The following OPLAH variants were observed in gnomAD, a reference collection of about 807,000 sequenced individuals.
OPLAH encodes the protein 5-oxoprolinase, ATP-hydrolysing, also known as 5-oxoprolinase.
In OPLAH, 103 loss-of-function variants were observed where a neutral mutation model predicts 122.8. The ratio of observed to expected loss-of-function variants is 0.84; its 90% CI spans 0.71 to 0.99. The LOEUF is 0.99. Among genes scored for constraint, OPLAH ranks in the 50% least tolerant of loss-of-function variants. The pLI is 0.00. For synonymous variants in OPLAH, 875 were observed against 796.0 expected, an observed-to-expected ratio of 1.10 and a Z score of -1.67; for missense variants, 1,902 against 1,836.5, an observed-to-expected ratio of 1.04 and a Z score of -0.65.
chr8:144,058,553 C>A lies in OPLAH; in HGVS notation c.726G>T (p.Thr242=), dbSNP rs374180396. ...CCTGCACGTAGCGCTGGATGGCGGG[C>A]GTGAGGTAGGCGTCGGCACAGGCCG... The part of the protein sequence containing the change: ...GHTACADAYL[T]PAIQRYVQGF... The change falls in exon 6 of 27, where the codon ACG becomes ACT. Residue 242 remains threonine (T), a synonymous_variant. Transcript: ENST00000618853. 1.3e-6 allele frequency: 2 copies of A among 1,599,996 alleles called. No homozygotes were observed. The highest frequency in any genetic ancestry group is 3.3e-5 in the Admixed American group (2 of 59,746).
chr8:144,059,837 G>A (rs782641762), intron 2 of OPLAH, 25 bp downstream of exon 2: 1 of 1,611,846 alleles, frequency 6.2e-7, no homozygotes, highest in African/African-American at 1.3e-5. Flanking sequence ...TGGGGTCCCT[G>A]TCCACCCGCT....
At position 144,051,492 on chromosome 8, in the gene OPLAH, C is replaced by CGGGGGG; in HGVS notation, c.3721-21_3721-20insCCCCCC. The CGGGGGG allele has an allele frequency of 4.8e-6, 2 of 413,252 alleles. No individual in the cohort carries two copies. The highest frequency in any genetic ancestry group is 5.8e-5 in the Admixed American group (1 of 17,298). The allele number at this position is 413,252 out of a possible 1,614,324, so 25.6% of individuals were successfully genotyped here. ...CACATCCTGTTGGCGCGGGGGGGGG[C>CGGGGGG]GGGGAGGCGGGCTCAGTGCAGGCGT... On this transcript the variant is annotated intron_variant, in intron 26 of 26. Transcript: ENST00000618853.
chr8:144,054,803 A>T lies in OPLAH; in HGVS notation c.2511+9T>A, dbSNP rs1449775144. ...GCCCCAGCAGAGGCAGGCGGGCAGC[A>T]CCCCTCACCGGTGTGATAACAGTCA... On this transcript the variant is annotated intron_variant, in intron 18 of 26. Coordinates refer to ENST00000618853, the MANE Select transcript of OPLAH (RefSeq NM_017570.5). 1 of 1,611,872 alleles carries T rather than the reference A, an allele frequency of 6.2e-7. No homozygotes were observed. The highest frequency in any genetic ancestry group is 2.2e-5 in the East Asian group (1 of 44,890).
upstream of OPLAH, among the ~76,000 whole-genome samples, chr8:144,062,883 C>T (rs752257954): frequency 2.4e-4 from 37 of 152,058 alleles, no homozygotes; most frequent in Non-Finnish European, 4.7e-4. Flanking sequence ...TCCAGGTGTC[C>T]ACCTCCCCCA....
rs782345887 is a variant in OPLAH at position 144,051,998 on chromosome 8, G to A, written c.3540C>T (p.Val1180=). The part of the protein sequence containing the change: ...GRGRFRGGDG[V]TRELLFREEA... ...CCTCACGAAAGAGCAGCTCGCGGGT[G>A]ACGCCGTCGCCGCCTCGGAAGCGGC... The change falls in exon 25 of 27, where the codon GTC becomes GTT. Residue 1180 remains valine (V), a synonymous_variant. Transcript: ENST00000618853. 1.3e-6 allele frequency: 2 copies of A among 1,585,704 alleles called. No homozygotes were observed. The highest frequency in any genetic ancestry group is 1.7e-6 in the Non-Finnish European group (2 of 1,174,484).
chr8:144,060,317 G>A (rs1168377840), intron 1 of OPLAH, among the ~76,000 whole-genome samples: 1 of 152,266 alleles, frequency 6.6e-6, no homozygotes, highest in Non-Finnish European at 1.5e-5. Flanking sequence ...CCTGGACTGG[G>A]CCGAAACCCA....
In OPLAH at chr8:144,059,950, C is replaced by T. The variant is rs782080883; in HGVS notation, c.83G>A (p.Gly28Glu). Residue 28 changes from glycine (G) to glutamate (E), a missense_variant, in exon 2 of 27, where the codon GGG (glycine) becomes GAG (glutamate). Gly to Glu is a moderately conservative substitution (Grantham distance 98). Coordinates refer to ENST00000618853, the MANE Select transcript of OPLAH (RefSeq NM_017570.5). ...FTDVFAQCPG[G>E]HVRVLKLLSE... Reference sequence around the variant, plus strand: ...GAGCAGTTTTAAGACCCGCACGTGCCCCCCTGGGCACTGGGCAAAGACGTC... The same window carrying T: ...GAGCAGTTTTAAGACCCGCACGTGCTCCCCTGGGCACTGGGCAAAGACGTC... The T allele has an allele frequency of 1.2e-6, 2 of 1,612,674 alleles. No homozygotes were observed. Among genetic ancestry groups the T allele is most frequent in the Non-Finnish European group, 1.7e-6 (2 of 1,179,852 alleles).
Position 144,052,083 on chromosome 8 carries a change from G to A in OPLAH, c.3462-7C>T, listed in dbSNP as rs1835393168. ...GCGCAGGATGACCGGGTACCTGCGA[G>A]GGCGAGGACGAGGGCAAAGACTCAG... is the stretch of plus-strand genomic sequence containing the variant. On this transcript the variant is annotated splice_polypyrimidine_tract_variant and splice_region_variant and intron_variant, in intron 24 of 26. Coordinates refer to ENST00000618853, the MANE Select transcript of OPLAH (RefSeq NM_017570.5). 2 of 1,577,736 alleles carry A rather than the reference G, an allele frequency of 1.3e-6. No homozygotes were observed. The highest frequency in any genetic ancestry group is 1.4e-5 in the African/African-American group (1 of 73,406).
At position 144,054,650 on chromosome 8, in the gene OPLAH, G is replaced by C; in HGVS notation, c.2597C>G (p.Ser866Cys). The C allele has an allele frequency of 6.2e-7, 1 of 1,612,260 alleles. No individual in the cohort carries two copies. Among genetic ancestry groups the C allele is most frequent in the Non-Finnish European group, 8.5e-7 (1 of 1,179,506 alleles). ...HADIGGITPG[S>C]MPPHSTMLQQ... ...CAGCATGGTGGAGTGGGGGGGCATG[G>C]AGCCTGGTGTGATGCCCCCGATGTC... is the stretch of plus-strand genomic sequence containing the variant. The change falls in exon 19 of 27, where the codon TCC becomes TGC. Residue 866 changes from serine to cysteine, a missense_variant. Around this residue, in one of 3 missense-constraint regions of OPLAH, gnomAD observed 1,726 missense variants for 1,642.1 expected, o/e 1.05. Coordinates refer to ENST00000618853, the MANE Select transcript of OPLAH (RefSeq NM_017570.5).
upstream of OPLAH, chr8:144,063,908 G>T (rs1835702665): frequency 6.6e-6 from 1 of 152,450 alleles, no homozygotes; most frequent in African/African-American, 2.4e-5. The surrounding 1 kb of genome is among the most constrained non-coding windows in gnomAD (Gnocchi z 4.2). Flanking sequence ...CCTGCCGCAG[G>T]CCCTCATAGC....
In OPLAH at chr8:144,057,217, T is replaced by G. The variant is rs782471377; in HGVS notation, c.1526A>C (p.His509Pro). 40 of 1,611,564 alleles carry G rather than the reference T, an allele frequency of 2.5e-5. No individual in the cohort carries two copies. In the East Asian group the frequency reaches 8.9e-4, roughly 36 times the overall value. Residue 509 changes from histidine (H) to proline (P), a missense_variant, in exon 11 of 27, where the codon CAC becomes CCC. Transcript: ENST00000618853. Reference sequence around the variant, plus strand: ...CCACACCCAGGCCCACCTGTGGATGTGCACCGTGTCCATGCCCAGGGCCCG... The same window carrying G: ...CCACACCCAGGCCCACCTGTGGATGGGCACCGTGTCCATGCCCAGGGCCCG... ...IARALGMDTV[H>P]IHRHSGLLSA...
rs782699531 is a variant in OPLAH, at chr8:144,051,483, G to A, written c.3721-11C>T. The A allele has an allele frequency of 2.3e-6, 3 of 1,329,820 alleles. No individual in the cohort carries two copies. The highest frequency in any genetic ancestry group is 1.7e-5 in the African/African-American group (1 of 57,390). The allele number at this position is 1,329,820 out of a possible 1,614,324, so 82.4% of individuals were successfully genotyped here. A position where few individuals can be genotyped will look rare whatever the true frequency, so the allele number is the denominator to read the frequency against. ...GAGACAGAACACATCCTGTTGGCGCGGGGGGGGGCGGGGAGGCGGGCTCAG... is the reference window on the plus strand; with the variant it reads ...GAGACAGAACACATCCTGTTGGCGCAGGGGGGGGCGGGGAGGCGGGCTCAG... On this transcript the variant is annotated splice_polypyrimidine_tract_variant and intron_variant, in intron 26 of 26. Coordinates refer to ENST00000618853, the MANE Select transcript of OPLAH (RefSeq NM_017570.5).
At position 144,055,614 on chromosome 8, in the gene OPLAH, C is replaced by T. The variant is rs576759046; in HGVS notation, c.2248+174G>A. 4.7e-4 allele frequency among the ~76,000 whole-genome samples: 72 copies of T among 152,274 alleles called. 1 individual carries two copies. The highest frequency in any genetic ancestry group is 1.7e-3 in the African/African-American group (70 of 41,554). ...CAGGTAAGGGGGGAAGGTGTCCTCC[C>T]TGCCCAAGGTTTGTTCTCATGGCCA... On this transcript the variant is annotated intron_variant, in intron 16 of 26. Coordinates refer to ENST00000618853, the MANE Select transcript of OPLAH (RefSeq NM_017570.5). This position sits in a 1 kb window ranked among gnomAD's most constrained non-coding sequence, Gnocchi z 6.5.
chr8:144,058,047 T>G lies in OPLAH; in HGVS notation c.1051A>C (p.Thr351Pro). The change falls in exon 8 of 27, where the codon ACC (threonine) becomes CCC (proline). Residue 351 changes from threonine (T) to proline (P), a missense_variant. Physicochemically the swap from Thr to Pro is conservative, Grantham distance 38 (BLOSUM62 -1). Coordinates refer to ENST00000618853, the MANE Select transcript of OPLAH (RefSeq NM_017570.5). ...CGGGAACCCCCTCCCGCTGCCACGG[T>G]GTTGATGTCCAGCTGCGGGGCCTGG... ...TLQAPQLDIN[T>P]VAAGGGSRLF... The G allele has an allele frequency of 6.2e-7, 1 of 1,612,284 alleles. No homozygotes were observed. Among genetic ancestry groups the G allele is most frequent in the Non-Finnish European group, 8.5e-7 (1 of 1,179,762 alleles).
chr8:144,057,461 C>T lies in OPLAH; in HGVS notation c.1409G>A (p.Arg470His), dbSNP rs782746469. The change falls in exon 10 of 27, where the codon CGT (arginine) becomes CAT (histidine). Residue 470 changes from arginine (R) to histidine (H), a missense_variant. Coordinates refer to ENST00000618853, the MANE Select transcript of OPLAH (RefSeq NM_017570.5). ...AGGTGGACGTACCTGCGTGAGTGCA[C>T]GGATGGGCCGGCACATGGCCTCGTT... ...VANEAMCRPIRALTQARGHDP... is the reference protein window; with the variant it reads ...VANEAMCRPIHALTQARGHDP... 1.3e-6 allele frequency: 2 copies of T among 1,587,434 alleles called. No homozygotes were observed. Among genetic ancestry groups the T allele is most frequent in the South Asian group, 1.1e-5 (1 of 88,070 alleles).
chr8:144,062,086 T>G (rs1835672985), upstream of OPLAH, among the ~76,000 whole-genome samples: 1 of 152,032 alleles, frequency 6.6e-6, no homozygotes, highest in African/African-American at 2.4e-5. Flanking sequence ...GTAACCATTC[T>G]TTATTCCTCT....
chr8:144,054,534 G>C (rs782324806), intron 19 of OPLAH, 27 bp downstream of exon 19: 50 of 1,548,788 alleles, frequency 3.2e-5, no homozygotes, highest in Non-Finnish European at 4.0e-5. Context: ...GCCTACAGAA[G>C]GCCTGCCCCA....
At position 144,058,855 on chromosome 8, in the gene OPLAH, G is replaced by C. The variant is rs1263170498; in HGVS notation, c.505C>G (p.Leu169Val). Residue 169 changes from leucine to valine, a missense_variant, in exon 5 of 27, where the codon CTG (leucine) becomes GTG (valine). By Grantham distance (32) the Leu-to-Val change is conservative. Transcript: ENST00000618853. ...TCCAGCTTCCCACGCAGGGCCCCCA[G>C]GTCCACAGGCTGCTGCACTTCCAGC... ...DLLEVQQPVD[L>V]GALRGKLEGL... 1.9e-6 allele frequency: 3 copies of C among 1,571,338 alleles called. No homozygotes were observed. Among genetic ancestry groups the C allele is most frequent in the Admixed American group, 3.7e-5 (2 of 53,752 alleles).
chr8:144,061,085 G>T (rs200703970), upstream of OPLAH, among the ~76,000 whole-genome samples: 45 of 152,366 alleles, frequency 3.0e-4, no homozygotes, highest in East Asian at 7.7e-3. Context: ...CCCAGCTCCC[G>T]GCCCCGTGGG....
Sources: gnomAD v4.1 joint callset for allele counts (sites outside exome capture counted in the v4.1 genomes callset) on GRCh38, gnomAD v4.1.1 for gene constraint, gnomAD v4.1.1 regional missense constraint, Gnocchi (gnomAD v3.1) non-coding constraint, MANE v1.5 for transcripts, NCBI Gene and HGNC (gene_info 2026-07-23, HGNC 2026-07-21) for gene names.